TRIM35: variants seen among roughly 807,000 people sequenced by gnomAD.
TRIM35 encodes tripartite motif containing 35, also known as E3 ubiquitin-protein ligase TRIM35.
In TRIM35, 37 loss-of-function variants were observed where a neutral mutation model predicts 49.1. The observed-to-expected ratio is 0.75, with a 90% CI of 0.58 to 0.99. TRIM35 has a LOEUF of 0.99. Among genes scored for constraint, TRIM35 ranks in the 50% least tolerant of loss-of-function variants. The probability of loss-of-function intolerance (pLI) is 0.00; values close to 1 mark genes in which losing one functional copy is unlikely to be tolerated. For missense variants in TRIM35, 648 were observed against 702.7 expected, an observed-to-expected ratio of 0.92 and a Z score of 0.88; for synonymous variants, 302 against 289.3, an observed-to-expected ratio of 1.04 and a Z score of -0.45.
At chr8:27,305,989 A>T (rs1802776459) in intron 1 of TRIM35, among the ~76,000 whole-genome samples, 1 of 152,108 alleles carries the variant, frequency 6.6e-6, no homozygotes, top group South Asian at 2.1e-4. Flanking sequence ...GGTATGTGCC[A>T]CCACACCCGG....
chr8:27,294,101 C>G lies in TRIM35; in HGVS notation c.741G>C (p.Glu247Asp), dbSNP rs1347432938. ...EIERLQMEMK[E>D]DDVSFLMKHK... ...TTACCATGAGAAAAGAAACGTCGTC[C>G]TCCTTCATCTCCATCTGCAGCCGCT... Residue 247 changes from glutamate (E) to aspartate (D), a missense_variant, in exon 3 of 6, where the codon GAG becomes GAC. Coordinates refer to ENST00000305364, the MANE Select transcript of TRIM35 (RefSeq NM_171982.5). The G allele has an allele frequency of 2.5e-6, 4 of 1,613,986 alleles. No homozygotes were observed. Among genetic ancestry groups the G allele is most frequent in the Non-Finnish European group, 3.4e-6 (4 of 1,180,020 alleles).
chr8:27,288,047 A>C lies in TRIM35; in HGVS notation c.985T>G (p.Tyr329Asp). The C allele has an allele frequency of 6.2e-7, 1 of 1,613,536 alleles. No individual in the cohort carries two copies. Among genetic ancestry groups the C allele is most frequent in the South Asian group, 1.1e-5 (1 of 91,088 alleles). The change falls in exon 6 of 6, where the codon TAC (tyrosine) becomes GAC (aspartate). Residue 329 changes from tyrosine (Y) to aspartate (D), a missense_variant. By Grantham distance (160) the Tyr-to-Asp change is radical (BLOSUM62 -3). Transcript: ENST00000305364. ...TCCGGGTTCTCCACCTGCACGCGGT[A>C]GCCATGGTTGGTGACGCTGGTGAGG... ...DDLTSVTNHG[Y>D]RVQVENPERF...
chr8:27,297,982 GAATGCACAAGAAT>G (rs1010022333), intron 2 of TRIM35, among the ~76,000 whole-genome samples: 1 of 152,154 alleles, frequency 6.6e-6, no homozygotes, highest in Non-Finnish European at 1.5e-5. Context: ...ATGGAAAGGA[GAATGCACAAGAAT>G]GAAAGCATGA....
chr8:27,306,348 C>T lies in TRIM35; in HGVS notation c.435+4453G>A, dbSNP rs1158105714. Among the ~76,000 whole-genome samples the T allele has an allele frequency of 2.1e-5, 3 of 140,912 alleles. No homozygotes were observed. In the Admixed American group the frequency reaches 2.2e-4, roughly 10 times the overall value. The allele number at this position is 140,912 out of a possible 152,430, so 92.4% of individuals were successfully genotyped here. ...TTCTTTCTTTTTTTTTTTTTTGAGA[C>T]AGTGTCTTGCTCTGTCGTACAGGCT... On this transcript the variant is annotated intron_variant, in intron 1 of 5. Transcript: ENST00000305364.
chr8:27,291,859 A>C (rs768428640), intron 3 of TRIM35, among the ~76,000 whole-genome samples: 2 of 152,200 alleles, frequency 1.3e-5, no homozygotes, highest in African/African-American at 2.4e-5. Flanking sequence ...GCAAGAGAGC[A>C]AGAGGGGCCC....
intron 2 of TRIM35, among the ~76,000 whole-genome samples, chr8:27,296,950 T>A (rs1250926656): frequency 6.6e-6 from 1 of 152,220 alleles, no homozygotes; most frequent in African/African-American, 2.4e-5. Context: ...CATTATCTTA[T>A]CTAAATTTTT....
chr8:27,294,365 C>T, intron 2 of TRIM35, 55 bp from the exon 3 acceptor site: 1 of 1,518,346 alleles, frequency 6.6e-7, no homozygotes, highest in East Asian at 2.3e-5. Context: ...ACATCCATAG[C>T]CCAGCAACTT....
rs1321479163 is a variant in TRIM35, at chr8:27,310,850, T to C, written c.386A>G (p.His129Arg). ...LCCSCQADPR[H>R]QGHRVQPVKD... ...CACCGGCTGCACGCGGTGCCCCTGGTGTCGGGGGTCGGCCTGGCAGGAGCA... is the reference window on the plus strand; with the variant it reads ...CACCGGCTGCACGCGGTGCCCCTGGCGTCGGGGGTCGGCCTGGCAGGAGCA... The change falls in exon 1 of 6, where the codon CAC becomes CGC. Residue 129 changes from histidine (H) to arginine (R), a missense_variant. Physicochemically the swap from His to Arg is conservative, Grantham distance 29 (BLOSUM62 0). Transcript: ENST00000305364. 10 of 1,609,226 alleles carry C rather than the reference T, an allele frequency of 6.2e-6. No individual in the cohort carries two copies. The highest frequency in any genetic ancestry group is 7.6e-6 in the Non-Finnish European group (9 of 1,177,010).
In TRIM35 at chr8:27,287,450, G is replaced by A. The variant is rs2130250569; in HGVS notation, c.*100C>T. ...CAGGACAGGAGGAAGAGCCTGGCAAGGAGGCAGGGGCGCAATAGTGCCCAA... is the reference window on the plus strand; with the variant it reads ...CAGGACAGGAGGAAGAGCCTGGCAAAGAGGCAGGGGCGCAATAGTGCCCAA... On this transcript the variant is annotated 3_prime_UTR_variant, in exon 6 of 6. Coordinates refer to ENST00000305364, the MANE Select transcript of TRIM35 (RefSeq NM_171982.5). This position sits in a 1 kb window ranked among gnomAD's most constrained non-coding sequence, Gnocchi z 6.0. 1.6e-6 allele frequency: 2 copies of A among 1,255,898 alleles called. No homozygotes were observed. Among genetic ancestry groups the A allele is most frequent in the Non-Finnish European group, 2.2e-6 (2 of 920,522 alleles). 77.8% of individuals were successfully genotyped at this position (1,255,898 alleles called of 1,614,324 possible).
intron 5 of TRIM35, among the ~76,000 whole-genome samples, chr8:27,288,792 C>T (rs1004347006): frequency 1.3e-5 from 2 of 152,296 alleles, no homozygotes; most frequent in African/African-American, 4.8e-5. Flanking sequence ...CCCCGTAAAA[C>T]CAGGACACTG....
chr8:27,293,538 GA>G (rs1351905115), intron 3 of TRIM35, among the ~76,000 whole-genome samples: 1 of 152,080 alleles, frequency 6.6e-6, no homozygotes, highest in Non-Finnish European at 1.5e-5. Context: ...GAGGGCAAGA[GA>G]AAGGAAGAAA....
At chr8:27,310,669 G>A (rs1802912906) in intron 1 of TRIM35, 132 bp downstream of exon 1, 11 of 1,039,200 alleles carry the variant, frequency 1.1e-5, no homozygotes, top group Non-Finnish European at 1.5e-5. Context: ...TCGGAGAGGT[G>A]GGGTCCTGCA....
intron 1 of TRIM35, among the ~76,000 whole-genome samples, chr8:27,300,975 T>C (rs1802672049): frequency 1.3e-5 from 2 of 152,182 alleles, no homozygotes; most frequent in Admixed American, 1.3e-4. Flanking sequence ...CCTTCAACCC[T>C]GGCCCTTAGG....
At position 27,309,247 on chromosome 8, in the gene TRIM35, C is replaced by T. The variant is rs549820272; in HGVS notation, c.435+1554G>A. 3.3e-5 allele frequency among the ~76,000 whole-genome samples: 5 copies of T among 152,354 alleles called. No homozygotes were observed. In the East Asian group the frequency reaches 9.7e-4, roughly 29 times the overall value. On this transcript the variant is annotated intron_variant, in intron 1 of 5. Coordinates refer to ENST00000305364, the MANE Select transcript of TRIM35 (RefSeq NM_171982.5). Reference sequence around the variant, plus strand: ...AATAGGCATCAGTCATGACCTGAACCATGATCCCTCCTTTACCTGGGCCCC... The same window carrying T: ...AATAGGCATCAGTCATGACCTGAACTATGATCCCTCCTTTACCTGGGCCCC...
chr8:27,302,623 G>T (rs116548646), intron 1 of TRIM35, among the ~76,000 whole-genome samples: 2,133 of 152,214 alleles, frequency 0.014, 52 homozygotes, highest in African/African-American at 0.048. Flanking sequence ...GTGCAAGCTG[G>T]TCTGAAACTC....
chr8:27,287,997 C>A lies in TRIM35; in HGVS notation c.1035G>T (p.Leu345=). The A allele has an allele frequency of 6.2e-7, 1 of 1,613,582 alleles. No homozygotes were observed. The highest frequency in any genetic ancestry group is 8.5e-7 in the Non-Finnish European group (1 of 1,180,004). ...CCTGTGAGAAGACACGGGAGCCCAG[C>A]AGGCAGGGCGCCGAGGAGAAGCGTT... ...NPERFSSAPC[L]LGSRVFSQGS... Residue 345 remains leucine (L), a synonymous_variant, in exon 6 of 6, where the codon CTG becomes CTT. Transcript: ENST00000305364. The surrounding 1 kb of genome is among the most constrained non-coding windows in gnomAD (Gnocchi z 6.0).
chr8:27,295,040 T>G (rs1004244346), intron 2 of TRIM35, among the ~76,000 whole-genome samples: 2 of 152,186 alleles, frequency 1.3e-5, no homozygotes, highest in Non-Finnish European at 1.5e-5. Flanking sequence ...GTCAGGCTGG[T>G]CTCAAACTCC....
Position 27,287,270 on chromosome 8 carries a change from C to T in TRIM35, c.*280G>A. On this transcript the variant is annotated 3_prime_UTR_variant, in exon 6 of 6. Coordinates refer to ENST00000305364, the MANE Select transcript of TRIM35 (RefSeq NM_171982.5). The surrounding 1 kb of genome is among the most constrained non-coding windows in gnomAD (Gnocchi z 6.0). ...AGAAGTAAACATTATTCCCAGAAAT[C>T]CTGGAATAGGGATTCAGAAAATTCA... 2.3e-6 allele frequency: 1 copy of T among 440,518 alleles called. No homozygotes were observed. 27.3% of individuals were successfully genotyped at this position (440,518 alleles called of 1,614,324 possible).
At chr8:27,302,357 T>C (rs902254198) in intron 1 of TRIM35, among the ~76,000 whole-genome samples, 1 of 152,178 alleles carries the variant, frequency 6.6e-6, no homozygotes, top group African/African-American at 2.4e-5. Context: ...GCGTATCTTT[T>C]ATTAATTTCT....
Sources: allele counts gnomAD v4.1 joint callset (sites outside exome capture counted in the v4.1 genomes callset), GRCh38; gene constraint gnomAD v4.1.1; non-coding constraint Gnocchi (gnomAD v3.1); transcripts MANE v1.5; gene names NCBI Gene and HGNC (gene_info 2026-07-23, HGNC 2026-07-21).